Variants in COLEC12 observed in about 807,000 individuals in gnomAD.
The protein encoded by COLEC12 is collectin-12.
COLEC12 carries 33 observed loss-of-function variants against 71.1 expected under a neutral mutation model. The observed-to-expected ratio is 0.46, with a 90% confidence interval of 0.35 to 0.62. COLEC12 has a LOEUF of 0.62. Among genes scored for constraint, COLEC12 ranks in the 20% least tolerant of loss-of-function variants. The pLI, the probability that COLEC12 is intolerant of heterozygous loss-of-function variation, is 0.00. For missense variants in COLEC12, 765 were observed against 916.1 expected (o/e 0.84, Z 2.13); for synonymous variants, 350 against 353.0 (o/e 0.99, Z 0.10).
chr18:396,494 G>T (rs1443983185), intron 2 of COLEC12, among the ~76,000 whole-genome samples: 1 of 152,208 alleles, frequency 6.6e-6, no homozygotes, highest in East Asian at 1.9e-4. Flanking sequence ...TTTCATCAGG[G>T]CCTACAGAAG....
chr18:462,792 T>G (rs1156952970), intron 2 of COLEC12, among the ~76,000 whole-genome samples: 2 of 152,212 alleles, frequency 1.3e-5, no homozygotes, highest in Non-Finnish European at 2.9e-5. Context: ...ATCATGAGGT[T>G]GAGCATGTGA....
intron 2 of COLEC12, among the ~76,000 whole-genome samples, chr18:385,897 T>C (rs1395178420): frequency 1.3e-5 from 2 of 152,068 alleles, no homozygotes; most frequent in African/African-American, 4.8e-5. Flanking sequence ...AAACTTTATA[T>C]GTCAGAATGT....
intron 2 of COLEC12, among the ~76,000 whole-genome samples, chr18:429,358 A>C (rs1567905381): frequency 6.6e-6 from 1 of 151,068 alleles, no homozygotes; most frequent in African/African-American, 2.4e-5. Flanking sequence ...AACACAAACT[A>C]TTTTTTTTCA....
At chr18:386,203 T>A (rs17452998) in intron 2 of COLEC12, among the ~76,000 whole-genome samples, 1 of 152,152 alleles carries the variant, frequency 6.6e-6, no homozygotes, top group East Asian at 1.9e-4. Context: ...CCTTAGATTA[T>A]GTCCCTTTGA....
chr18:435,310 G>A (rs1183999052), intron 2 of COLEC12, among the ~76,000 whole-genome samples: 1 of 152,172 alleles, frequency 6.6e-6, no homozygotes, highest in Non-Finnish European at 1.5e-5. Context: ...TGCTGGGGAG[G>A]CCTCAGGAAA....
intron 8 of COLEC12, among the ~76,000 whole-genome samples, chr18:322,946 C>T (rs576516036): frequency 2.8e-4 from 42 of 152,286 alleles, no homozygotes; most frequent in Middle Eastern, 3.4e-3. Flanking sequence ...GTATGAAGGC[C>T]GGGCGTAGTG....
intron 5 of COLEC12, among the ~76,000 whole-genome samples, chr18:340,074 C>CAAA (rs60991743): frequency 3.8e-4 from 36 of 94,210 alleles, no homozygotes; most frequent in African/African-American, 7.0e-4. Context: ...TGCCTGAAAG[C>CAAA]AAAAAAAAAA....
At chr18:342,221 T>A (rs1914270217) in intron 5 of COLEC12, among the ~76,000 whole-genome samples, 1 of 149,702 alleles carries the variant, frequency 6.7e-6, no homozygotes, top group South Asian at 2.1e-4. Context: ...CCACGCCCGG[T>A]TAATTTTATA....
At chr18:407,235 T>C (rs1016081256) in intron 2 of COLEC12, among the ~76,000 whole-genome samples, 5 of 152,354 alleles carry the variant, frequency 3.3e-5, no homozygotes, top group East Asian at 3.9e-4. Context: ...ACCTCAGAGA[T>C]AGCAAAAGTG....
intron 2 of COLEC12, among the ~76,000 whole-genome samples, chr18:418,955 G>A (rs1239867619): frequency 6.6e-6 from 1 of 152,124 alleles, no homozygotes; most frequent in East Asian, 1.9e-4. Flanking sequence ...ACCCTGTCTT[G>A]GGGTCTGGAT....
chr18:330,004 G>T (rs1913935931), intron 8 of COLEC12, among the ~76,000 whole-genome samples: 1 of 152,154 alleles, frequency 6.6e-6, no homozygotes, highest in South Asian at 2.1e-4. Context: ...TTGAGCTGGG[G>T]AGATAAGAGG....
At chr18:341,147 C>G (rs982319402) in intron 5 of COLEC12, among the ~76,000 whole-genome samples, 5 of 152,208 alleles carry the variant, frequency 3.3e-5, no homozygotes, top group Non-Finnish European at 7.3e-5. Context: ...GAAACTTTAA[C>G]CAATTGCTCT....
intron 2 of COLEC12, among the ~76,000 whole-genome samples, chr18:390,834 C>T (rs913731388): frequency 6.7e-6 from 1 of 150,004 alleles, no homozygotes; most frequent in Admixed American, 6.6e-5. Flanking sequence ...CTGTCATCCT[C>T]AAGAGTTAAG....
intron 2 of COLEC12, among the ~76,000 whole-genome samples, chr18:440,717 G>A (rs1418132240): frequency 6.6e-6 from 1 of 152,102 alleles, no homozygotes; most frequent in Non-Finnish European, 1.5e-5. Context: ...ACTGCAATTA[G>A]GAAATAGTAC....
At chr18:489,139 A>G (rs1005890039) in intron 1 of COLEC12, among the ~76,000 whole-genome samples, 1 of 152,192 alleles carries the variant, frequency 6.6e-6, no homozygotes, top group Non-Finnish European at 1.5e-5. Flanking sequence ...GCTTCCAGAC[A>G]GAGGAAAAAA....
chr18:353,182 C>G (rs1037156468), intron 3 of COLEC12, among the ~76,000 whole-genome samples: 1 of 152,176 alleles, frequency 6.6e-6, no homozygotes, highest in African/African-American at 2.4e-5. Flanking sequence ...CTCACTACCC[C>G]ATTGTACTCA....
At chr18:499,490 T>C (rs1381576586) in intron 1 of COLEC12, among the ~76,000 whole-genome samples, 2 of 152,278 alleles carry the variant, frequency 1.3e-5, no homozygotes, top group Non-Finnish European at 2.9e-5. Flanking sequence ...ACGGCAACCC[T>C]AGAAGTCAAA....
chr18:419,263 T>C (rs1054733466), intron 2 of COLEC12, among the ~76,000 whole-genome samples: 10 of 152,198 alleles, frequency 6.6e-5, no homozygotes, highest in African/African-American at 2.2e-4. Context: ...TGTTGTGCAT[T>C]GGCACAATTT....
rs1229748822 is a variant in COLEC12, at chr18:346,448, T to C, written c.1174A>G (p.Ile392Val). The change falls in exon 5 of 10, where the codon ATC (isoleucine) becomes GTC (valine). Residue 392 changes from isoleucine to valine, a missense_variant. By Grantham distance (29) the Ile-to-Val change is conservative. Coordinates refer to ENST00000400256, the MANE Select transcript of COLEC12 (RefSeq NM_130386.3). This position sits in a 1 kb window ranked among gnomAD's most constrained non-coding sequence, Gnocchi z 4.0. Reference sequence around the variant, plus strand: ...CTGAGAGAAACAGAATCCAAACGGATGTTGGCCAGGGTATTATTCAAGGAG... The same window carrying C: ...CTGAGAGAAACAGAATCCAAACGGACGTTGGCCAGGGTATTATTCAAGGAG... ...LTSLNNTLAN[I>V]RLDSVSLRMQ... is the part of the protein sequence containing the mutation. 2 of 1,614,024 alleles carry C rather than the reference T, an allele frequency of 1.2e-6. No homozygotes were observed. Among genetic ancestry groups the C allele is most frequent in the South Asian group, 1.1e-5 (1 of 91,084 alleles).
Sources: allele counts gnomAD v4.1 joint callset (sites outside exome capture counted in the v4.1 genomes callset), GRCh38; gene constraint gnomAD v4.1.1; non-coding constraint Gnocchi (gnomAD v3.1); transcripts MANE v1.5; gene names NCBI Gene and HGNC (gene_info 2026-07-23, HGNC 2026-07-21).